The following IL12B variants were observed in gnomAD, a reference collection of about 807,000 sequenced individuals.
IL12B encodes the protein interleukin 12B, also known as interleukin-12 subunit beta.
In IL12B, 27 loss-of-function variants were observed where a neutral mutation model predicts 39.2. The ratio of observed to expected loss-of-function variants is 0.69; its 90% CI spans 0.51 to 0.95. The LOEUF is 0.95. Among genes scored for constraint, IL12B ranks in the 40% least tolerant of loss-of-function variants. The pLI is 0.00. For synonymous variants in IL12B, 142 were observed against 152.1 expected (o/e 0.93, Z 0.49); for missense variants, 351 against 397.6 (o/e 0.88, Z 1.00).
chr5:159,321,058 G>A (rs1057073701), intron 4 of IL12B, among the ~76,000 whole-genome samples: 5 of 150,704 alleles, frequency 3.3e-5, no homozygotes, highest in Admixed American at 2.6e-4. Flanking sequence ...GGAGTGAAGT[G>A]GTGGAATCAG....
chr5:159,321,497 G>C (rs1029939346), intron 4 of IL12B, among the ~76,000 whole-genome samples: 3 of 151,472 alleles, frequency 2.0e-5, no homozygotes, highest in Non-Finnish European at 4.4e-5. Flanking sequence ...TATGAACTAG[G>C]ATCAAATTGT....
chr5:159,327,881 C>T (rs1562115301), intron 1 of IL12B, among the ~76,000 whole-genome samples: 2 of 152,118 alleles, frequency 1.3e-5, no homozygotes, highest in Non-Finnish European at 2.9e-5. Context: ...GAAAATCTTC[C>T]GATTGCAAAA....
At chr5:159,328,951 C>A (rs1352132062) in intron 1 of IL12B, among the ~76,000 whole-genome samples, 1 of 152,190 alleles carries the variant, frequency 6.6e-6, no homozygotes, top group African/African-American at 2.4e-5. Context: ...TACTAGGGAG[C>A]GCTATCCCTC....
chr5:159,323,987 A>C (rs1031305031), intron 2 of IL12B, among the ~76,000 whole-genome samples: 9 of 151,852 alleles, frequency 5.9e-5, no homozygotes, highest in African/African-American at 1.9e-4. Context: ...TTATAGACTG[A>C]GGAGTCAGCC....
chr5:159,323,424 A>G, intron 2 of IL12B, 95 bp from the exon 3 acceptor site: 1 of 1,161,252 alleles, frequency 8.6e-7, no homozygotes, highest in African/African-American at 1.5e-5. Flanking sequence ...TTGCCTAAAC[A>G]CAACCTTGTT....
rs1754032930 is a variant in IL12B at position 159,318,811 on chromosome 5, G to T, written c.780C>A (p.Asp260Glu). 1 of 1,612,932 alleles carries T rather than the reference G, an allele frequency of 6.2e-7. No individual in the cohort carries two copies. Among genetic ancestry groups the T allele is most frequent in the Non-Finnish European group, 8.5e-7 (1 of 1,178,978 alleles). Reference protein sequence around the residue: ...RQVEVSWEYPDTWSTPHSYFS... With the variant: ...RQVEVSWEYPETWSTPHSYFS... ...AGTAGGAATGTGGAGTACTCCAGGT[G>T]TCAGGGTACTCCCAGCTGACCTCCA... Residue 260 changes from aspartate (D) to glutamate (E), a missense_variant, in exon 6 of 8, where the codon GAC becomes GAA. Transcript: ENST00000231228.
At position 159,318,691 on chromosome 5, in the gene IL12B, C is replaced by T. The variant is rs3213105; in HGVS notation, c.855+45G>A. 4,950 of 1,588,924 alleles carry T rather than the reference C, an allele frequency of 3.1e-3. 138 individuals carry two copies. In the African/African-American group the frequency reaches 0.058, roughly 19 times the overall value. ...ATCTTCTCACTTTATGGTGGGCCTCCGTAAAACTGACCAAGGAATATACTG... is the reference window on the plus strand; with the variant it reads ...ATCTTCTCACTTTATGGTGGGCCTCTGTAAAACTGACCAAGGAATATACTG... On this transcript the variant is annotated intron_variant, in intron 6 of 7. Transcript: ENST00000231228.
rs571649167 is a variant in IL12B, at chr5:159,318,191, A to AAAGGGGGT, written c.855+537_855+544dup. 3.4e-3 allele frequency: 531 copies of AAAGGGGGT among 156,242 alleles called. 3 individuals are homozygous for AAAGGGGGT. The highest frequency in any genetic ancestry group is 0.012 in the African/African-American group (517 of 41,580). 9.7% of individuals were successfully genotyped at this position (156,242 alleles called of 1,614,324 possible). A position where few individuals can be genotyped will look rare whatever the true frequency, so the allele number is the denominator to read the frequency against. On this transcript the variant is annotated intron_variant, in intron 6 of 7. Coordinates refer to ENST00000231228, the MANE Select transcript of IL12B (RefSeq NM_002187.3). ...AAAAGGAAAGCCTCTTTTCCACAAAAAAGGGGGTAAAAAAACAAGAATAAC... is the reference window on the plus strand; with the variant it reads ...AAAAGGAAAGCCTCTTTTCCACAAAAAAGGGGGTAAGGGGGTAAAAAAACAAGAATAAC...
chr5:159,324,672 AACT>A lies in IL12B; in HGVS notation c.89-1346_89-1344del, dbSNP rs538923319. ...TCTTGTGGCCTTTGGCAAGACATTC[AACT>A]ACTGTAAGCCTCAGTGTCATCATCT... On this transcript the variant is annotated intron_variant, in intron 2 of 7. Coordinates refer to ENST00000231228, the MANE Select transcript of IL12B (RefSeq NM_002187.3). Among the ~76,000 whole-genome samples the A allele has an allele frequency of 3.0e-4, 46 of 152,340 alleles. 1 individual carries two copies. The East Asian group carries it at 8.7e-3, about 29-fold the overall frequency.
intron 1 of IL12B, 144 bp downstream of exon 1, chr5:159,330,288 A>C (rs1754255271): frequency 6.6e-6 from 1 of 152,214 alleles, no homozygotes; most frequent in African/African-American, 2.4e-5. Context: ...CTAATGTTCC[A>C]GCAGATGACT....
chr5:159,327,879 T>A (rs1266602532), intron 1 of IL12B, among the ~76,000 whole-genome samples: 1 of 152,202 alleles, frequency 6.6e-6, no homozygotes, highest in Non-Finnish European at 1.5e-5. Flanking sequence ...ATGAAAATCT[T>A]CCGATTGCAA....
In IL12B at chr5:159,320,196, T is replaced by C; in HGVS notation, c.697+110A>G. The C allele has an allele frequency of 7.7e-6, 7 of 914,260 alleles. No homozygotes were observed. In the South Asian group the frequency reaches 9.4e-5, roughly 12 times the overall value. 56.6% of individuals were successfully genotyped at this position (914,260 alleles called of 1,614,324 possible). On this transcript the variant is annotated intron_variant, in intron 5 of 7. Transcript: ENST00000231228. ...TCGTATTTTGTTTTTGGATGCAGAA[T>C]AAAAGAGATGATGCTTGTCAACCAC...
intron 4 of IL12B, 57 bp downstream of exon 4, chr5:159,322,337 A>C: frequency 8.8e-7 from 1 of 1,132,234 alleles, no homozygotes; most frequent in East Asian, 2.3e-5. Context: ...GTTGCCCTTA[A>C]TTTCTTAATG....
chr5:159,319,602 T>G (rs976135115), intron 5 of IL12B, among the ~76,000 whole-genome samples: 1 of 152,226 alleles, frequency 6.6e-6, no homozygotes, highest in Non-Finnish European at 1.5e-5. Context: ...TCCTAGCAGG[T>G]GCTTCGCACA....
Position 159,330,453 on chromosome 5 carries a change from A to G in IL12B, c.-22T>C, listed in dbSNP as rs1754257814. On this transcript the variant is annotated 5_prime_UTR_variant, in exon 1 of 8. Coordinates refer to ENST00000231228, the MANE Select transcript of IL12B (RefSeq NM_002187.3). ...TTACCTTGCTCTGGGCAGGACGGAG[A>G]GTCCAATGGCCCTGAAACAGATGTT... 6.6e-6 allele frequency: 1 copy of G among 152,378 alleles called. No homozygotes were observed. The highest frequency in any genetic ancestry group is 1.5e-5 in the Non-Finnish European group (1 of 68,086). 9.4% of individuals were successfully genotyped at this position (152,378 alleles called of 1,614,324 possible). A position where few individuals can be genotyped will look rare whatever the true frequency, so the allele number is the denominator to read the frequency against.
intron 2 of IL12B, among the ~76,000 whole-genome samples, chr5:159,323,596 T>G (rs964036524): frequency 4.6e-5 from 7 of 152,192 alleles, no homozygotes; most frequent in Admixed American, 2.0e-4. Context: ...TTTAGCAGAT[T>G]GGAAACACCT....
At chr5:159,320,562 G>T in intron 4 of IL12B, 42 bp from the exon 5 acceptor site, 1 of 1,517,996 alleles carries the variant, frequency 6.6e-7, no homozygotes, top group South Asian at 1.1e-5. Context: ...ACACATTGGG[G>T]AGAGAGTTCC....
At chr5:159,316,623 T>C (rs1753993683) in intron 7 of IL12B, 62 bp downstream of exon 7, 2 of 1,559,680 alleles carry the variant, frequency 1.3e-6, no homozygotes, top group Admixed American at 3.7e-5. Flanking sequence ...CCCCCAATCA[T>C]ATCCCTGCAT....
rs189324104 is a variant in IL12B at position 159,318,768 on chromosome 5, C to T, written c.823G>A (p.Val275Ile). 8.7e-5 allele frequency: 140 copies of T among 1,614,128 alleles called. No homozygotes were observed. The highest frequency in any genetic ancestry group is 7.7e-4 in the Admixed American group (46 of 60,014). ...PHSYFSLTFC[V>I]QVQGKSKREK... ...CTCTTGCTCTTGCCCTGGACCTGAACGCAGAATGTCAGGGAGAAGTAGGAA... is the reference window on the plus strand; with the variant it reads ...CTCTTGCTCTTGCCCTGGACCTGAATGCAGAATGTCAGGGAGAAGTAGGAA... Residue 275 changes from valine (V) to isoleucine (I), a missense_variant, in exon 6 of 8, where the codon GTT (valine) becomes ATT (isoleucine). Physicochemically the swap from Val to Ile is conservative, Grantham distance 29 (BLOSUM62 3). Coordinates refer to ENST00000231228, the MANE Select transcript of IL12B (RefSeq NM_002187.3).
Sources: allele counts gnomAD v4.1 joint callset (sites outside exome capture counted in the v4.1 genomes callset), GRCh38; gene constraint gnomAD v4.1.1; transcripts MANE v1.5; gene names NCBI Gene and HGNC (gene_info 2026-07-23, HGNC 2026-07-21).